Variants in FBXO34 observed in about 807,000 individuals in gnomAD.
The protein encoded by FBXO34 is F-box only protein 34.
Under a neutral mutation model 24.5 loss-of-function variants are expected in FBXO34, and 12 were observed. That is an observed-to-expected ratio of 0.49 (90% confidence interval 0.31 to 0.79). FBXO34 has a LOEUF of 0.79. FBXO34 is among the 30% of genes least tolerant of loss of function. The probability of loss-of-function intolerance (pLI) is 0.04; values close to 1 mark genes in which losing one functional copy is unlikely to be tolerated. For synonymous variants in FBXO34, 320 were observed against 311.9 expected (o/e 1.03, Z -0.27); for missense variants, 823 against 857.7 (o/e 0.96, Z 0.51).
At position 55,340,639 on chromosome 14, in the gene FBXO34, C is replaced by G. The variant is rs144369850; in HGVS notation, c.-10-9742C>G. Among the ~76,000 whole-genome samples the G allele has an allele frequency of 1.4e-3, 220 of 152,264 alleles. 1 individual carries two copies. Among genetic ancestry groups the G allele is most frequent in the African/African-American group, 5.2e-3 (216 of 41,542 alleles). ...ACGTATAACTGTGTTAATGGGCCAG[C>G]CTGTGCCCAGGTGGCATGTGTTAGG... On this transcript the variant is annotated intron_variant, in intron 1 of 1. Coordinates refer to ENST00000313833, the MANE Select transcript of FBXO34 (RefSeq NM_017943.4).
At chr14:55,370,392 T>C (rs1339593402), downstream of FBXO34, among the ~76,000 whole-genome samples, 1 of 140,256 alleles carries the variant, frequency 7.1e-6, no homozygotes, top group Admixed American at 6.9e-5. Flanking sequence ...CCTGTACATA[T>C]TTAAAAATAT....
intron 1 of FBXO34, among the ~76,000 whole-genome samples, chr14:55,341,412 G>A (rs1000891314): frequency 6.6e-6 from 1 of 152,196 alleles, no homozygotes; most frequent in African/African-American, 2.4e-5. Flanking sequence ...GCCAAGCAAA[G>A]GATCTTTGTC....
At chr14:55,291,968 T>TA (rs1271246844) in intron 1 of FBXO34, among the ~76,000 whole-genome samples, 2 of 151,810 alleles carry the variant, frequency 1.3e-5, no homozygotes, top group Admixed American at 6.6e-5. Flanking sequence ...CTCATTTCTT[T>TA]AAAAAAGAAA....
intron 1 of FBXO34, among the ~76,000 whole-genome samples, chr14:55,346,803 A>C (rs190219891): frequency 6.6e-6 from 1 of 152,306 alleles, no homozygotes; most frequent in East Asian, 1.9e-4. Context: ...TTGTGTTTTA[A>C]AAAGAAAATA....
At chr14:55,428,147 T>TTTTTTTTTTTTTTTA in the FBXO34 span, among the ~76,000 whole-genome samples, 1 of 127,212 alleles carries the variant, frequency 7.9e-6, no homozygotes, top group African/African-American at 3.7e-5. Flanking sequence ...TTTTTTTTTT[T>TTTTTTTTTTTTTTTA]GAGACGGAGT....
At chr14:55,412,135 C>T in the FBXO34 span, among the ~76,000 whole-genome samples, 1 of 152,190 alleles carries the variant, frequency 6.6e-6, no homozygotes, top group Non-Finnish European at 1.5e-5. Context: ...CCTAAGGATT[C>T]TGGGAAAACG....
the FBXO34 span, among the ~76,000 whole-genome samples, chr14:55,387,454 A>G: frequency 1.3e-5 from 2 of 151,938 alleles, no homozygotes; most frequent in Non-Finnish European, 2.9e-5. Flanking sequence ...CACTCCCCAG[A>G]CCTTTTGCTC....
chr14:55,411,980 C>T, the FBXO34 span: 3,802 of 681,830 alleles, frequency 5.6e-3, 119 homozygotes, highest in East Asian at 0.068. Context: ...GTTGTTTTTC[C>T]GGTCTGCTGA....
downstream of FBXO34, among the ~76,000 whole-genome samples, chr14:55,374,786 C>T (rs767798654): frequency 2.6e-5 from 4 of 152,200 alleles, no homozygotes; most frequent in Non-Finnish European, 5.9e-5. Context: ...TGATTCAACG[C>T]CTCCTCTATC....
At chr14:55,336,868 G>GCACACACA (rs3051328) in intron 1 of FBXO34, among the ~76,000 whole-genome samples, 67 of 144,266 alleles carry the variant, frequency 4.6e-4, no homozygotes, top group African/African-American at 1.5e-3. Flanking sequence ...ATACATGCAC[G>GCACACACA]CACACACACA....
chr14:55,406,360 GGT>G, the FBXO34 span, among the ~76,000 whole-genome samples: 3 of 152,180 alleles, frequency 2.0e-5, no homozygotes, highest in African/African-American at 7.2e-5. Flanking sequence ...TGTGCTGTAA[GGT>G]TCCAGATTTT....
At chr14:55,375,883 G>A in the FBXO34 span, among the ~76,000 whole-genome samples, 9 of 152,148 alleles carry the variant, frequency 5.9e-5, no homozygotes, top group Non-Finnish European at 1.2e-4. Flanking sequence ...TGTAAGTAAC[G>A]TGCCATGAAG....
rs1884379098 is a variant in FBXO34 at position 55,351,587 on chromosome 14, C to A, written c.1197C>A (p.Asn399Lys). 1 of 1,614,104 alleles carries A rather than the reference C, an allele frequency of 6.2e-7. No homozygotes were observed. Among genetic ancestry groups the A allele is most frequent in the African/African-American group, 1.3e-5 (1 of 74,938 alleles). Residue 399 changes from asparagine (N) to lysine (K), a missense_variant, in exon 2 of 2, where the codon AAC becomes AAA. Asn to Lys is a moderately conservative substitution (Grantham distance 94, BLOSUM62 0). Around this residue, in one of 2 missense-constraint regions of FBXO34, gnomAD observed 693 missense variants for 659.1 expected, o/e 1.05. Transcript: ENST00000313833. ...CGGGTTCGCAAACTGCCGTGAAAAA[C>A]AGCAACAGATATGATGTGGAAATGA... is the stretch of plus-strand genomic sequence containing the variant. The part of the protein sequence containing the change: ...LEPGSQTAVK[N>K]SNRYDVEMTD...
At chr14:55,440,605 C>T in the FBXO34 span, 2 of 1,500,604 alleles carry the variant, frequency 1.3e-6, no homozygotes, top group East Asian at 2.3e-5. Flanking sequence ...GCAGAGGGCG[C>T]GAGAGAAGCG....
intron 1 of FBXO34, among the ~76,000 whole-genome samples, chr14:55,318,955 T>C (rs1322318362): frequency 6.6e-6 from 1 of 152,142 alleles, no homozygotes; most frequent in Non-Finnish European, 1.5e-5. Context: ...TAGACTCTCA[T>C]TGTGCTTAAT....
chr14:55,330,869 T>C (rs188731299), intron 1 of FBXO34, among the ~76,000 whole-genome samples: 4 of 152,322 alleles, frequency 2.6e-5, no homozygotes, highest in Admixed American at 6.5e-5. Context: ...CTGTGTACCT[T>C]ATTAATCTGT....
chr14:55,373,035 C>G (rs1255301952), downstream of FBXO34, among the ~76,000 whole-genome samples: 1 of 151,710 alleles, frequency 6.6e-6, no homozygotes, highest in Non-Finnish European at 1.5e-5. Flanking sequence ...TGTTTCTCCA[C>G]CCAGTGCCTC....
chr14:55,351,208 A>G lies in FBXO34; in HGVS notation c.818A>G (p.Gln273Arg), dbSNP rs1884354527. The change falls in exon 2 of 2, where the codon CAG becomes CGG. Residue 273 changes from glutamine to arginine, a missense_variant. This residue lies in a region of FBXO34 where 693 missense variants were observed against 659.1 expected (regional missense o/e 1.05). Coordinates refer to ENST00000313833, the MANE Select transcript of FBXO34 (RefSeq NM_017943.4). ...ERGNLEVGEP[Q>R]SEPVRVLDMV... is the part of the protein sequence containing the mutation. ...GGAAATCTTGAGGTTGGTGAACCAC[A>G]GAGCGAACCAGTCCGTGTCCTTGAC... 1 of 1,614,254 alleles carries G rather than the reference A, an allele frequency of 6.2e-7. No homozygotes were observed. The highest frequency in any genetic ancestry group is 1.7e-5 in the Admixed American group (1 of 60,030).
chr14:55,400,339 G>T, the FBXO34 span, among the ~76,000 whole-genome samples: 1 of 152,138 alleles, frequency 6.6e-6, no homozygotes, highest in Non-Finnish European at 1.5e-5. Flanking sequence ...GTGTGTGTAG[G>T]GGGATCCATA....
Sources: gnomAD v4.1 joint callset for allele counts (sites outside exome capture counted in the v4.1 genomes callset) on GRCh38, gnomAD v4.1.1 for gene constraint, gnomAD v4.1.1 regional missense constraint, MANE v1.5 for transcripts, NCBI Gene and HGNC (gene_info 2026-07-23, HGNC 2026-07-21) for gene names.